MFAP5: variants seen among roughly 807,000 people sequenced by gnomAD.
MFAP5 encodes the protein microfibrillar-associated protein 5.
In MFAP5, 19 loss-of-function variants were observed where a neutral mutation model predicts 30.1. The observed-to-expected ratio is 0.63, with a 90% CI of 0.44 to 0.93. The LOEUF (loss-of-function observed/expected upper bound fraction) is 0.93. Among genes scored for constraint, MFAP5 ranks in the 40% least tolerant of loss-of-function variants. MFAP5 has a pLI of 0.00. For synonymous variants in MFAP5, 92 were observed against 72.9 expected (o/e 1.26, Z -1.33); for missense variants, 210 against 221.3 (o/e 0.95, Z 0.32).
chr12:8,660,073 A>G (rs1361577285), intron 3 of MFAP5, among the ~76,000 whole-genome samples: 1 of 152,156 alleles, frequency 6.6e-6, no homozygotes, highest in Admixed American at 6.5e-5. Flanking sequence ...GATTTTTGTT[A>G]TAGAGAATGG....
chr12:8,654,112 G>A (rs1419682054), intron 6 of MFAP5, among the ~76,000 whole-genome samples: 2 of 129,718 alleles, frequency 1.5e-5, no homozygotes, highest in Admixed American at 8.4e-5. Flanking sequence ...GACGACAAGA[G>A]CAATAATCCG....
chr12:8,653,791 T>C (rs1366045028), intron 6 of MFAP5, among the ~76,000 whole-genome samples: 1 of 152,208 alleles, frequency 6.6e-6, no homozygotes, highest in African/African-American at 2.4e-5. Context: ...GAAAATCAGT[T>C]TTGTTCACTT....
chr12:8,652,677 A>G (rs1451244344), intron 6 of MFAP5, among the ~76,000 whole-genome samples: 1 of 152,182 alleles, frequency 6.6e-6, no homozygotes, highest in Non-Finnish European at 1.5e-5. Flanking sequence ...AGGCAGGTGT[A>G]TATGCTGATA....
At chr12:8,656,518 G>A (rs1399218190) in intron 3 of MFAP5, among the ~76,000 whole-genome samples, 2 of 117,414 alleles carry the variant, frequency 1.7e-5, no homozygotes, top group African/African-American at 6.8e-5. Flanking sequence ...AGCAATTTTC[G>A]TACCTCAGCT....
chr12:8,649,333 T>C (rs889801403), intron 9 of MFAP5, among the ~76,000 whole-genome samples, 168 bp downstream of exon 9: 1 of 151,832 alleles, frequency 6.6e-6, no homozygotes, highest in African/African-American at 2.4e-5. Context: ...AGCATACTGC[T>C]TTATGTAGAT....
rs191520619 is a variant in MFAP5 at position 8,648,522 on chromosome 12, A to G, written c.410-319T>C. 1.0e-3 allele frequency: 1,307 copies of G among 1,291,534 alleles called. 2 individuals carry two copies. Among genetic ancestry groups the G allele is most frequent in the Non-Finnish European group, 1.3e-3 (1,237 of 988,808 alleles). The allele number at this position is 1,291,534 out of a possible 1,614,324, so 80.0% of individuals were successfully genotyped here. A position where few individuals can be genotyped will look rare whatever the true frequency, so the allele number is the denominator to read the frequency against. Reference sequence around the variant, plus strand: ...TGAGCAGTAAATGTTAGTTTCCTTTATATATCCAGCTGCCAATTCTTCTAA... The same window carrying G: ...TGAGCAGTAAATGTTAGTTTCCTTTGTATATCCAGCTGCCAATTCTTCTAA... On this transcript the variant is annotated intron_variant, in intron 9 of 9. Coordinates refer to ENST00000359478, the MANE Select transcript of MFAP5 (RefSeq NM_003480.4).
chr12:8,660,946 C>A (rs769648040), intron 2 of MFAP5, 48 bp from the exon 3 acceptor site: 1 of 1,478,264 alleles, frequency 6.8e-7, no homozygotes. Flanking sequence ...CAGCTCTATA[C>A]CTCGTAACCC....
chr12:8,655,973 G>A (rs992961361), intron 3 of MFAP5, 143 bp from the exon 4 acceptor site: 3 of 681,902 alleles, frequency 4.4e-6, no homozygotes, highest in African/African-American at 3.6e-5. Context: ...TTACAATAAT[G>A]ACAAACGATT....
chr12:8,652,596 A>G (rs1037944524), intron 6 of MFAP5, among the ~76,000 whole-genome samples: 5 of 152,142 alleles, frequency 3.3e-5, no homozygotes, highest in Non-Finnish European at 5.9e-5. Flanking sequence ...ACCAGGAAAA[A>G]TGTCACTGGA....
chr12:8,648,384 A>C (rs1941741530), intron 9 of MFAP5, 181 bp from the exon 10 acceptor site: 1 of 956,658 alleles, frequency 1.0e-6, no homozygotes, highest in East Asian at 3.0e-5. Flanking sequence ...AAGTTTCTTA[A>C]ATTTTATAAA....
intron 5 of MFAP5, 147 bp downstream of exon 5, chr12:8,655,268 A>C (rs1486498369): frequency 1.1e-5 from 9 of 808,890 alleles, no homozygotes; most frequent in Non-Finnish European, 1.5e-5. Flanking sequence ...CCTGGGCAAC[A>C]GAATGAGACT....
At chr12:8,650,281 C>T (rs149477313) in intron 8 of MFAP5, 45 of 531,022 alleles carry the variant, frequency 8.5e-5, no homozygotes, top group African/African-American at 8.2e-4. Flanking sequence ...CCAGCGCCCA[C>T]CTTCATTTCC....
chr12:8,655,534 G>C lies in MFAP5; in HGVS notation c.140-87C>G, dbSNP rs756336948. ...GGATAAGGGGACGATGATCTCAAAG[G>C]AGGCAAGAAAGGCTGAAGTGAAAGC... On this transcript the variant is annotated intron_variant, in intron 4 of 9. Coordinates refer to ENST00000359478, the MANE Select transcript of MFAP5 (RefSeq NM_003480.4). 2.4e-4 allele frequency: 329 copies of C among 1,389,800 alleles called. 1 individual carries two copies. Among genetic ancestry groups the C allele is most frequent in the Non-Finnish European group, 3.1e-4 (311 of 1,005,008 alleles). The allele number at this position is 1,389,800 out of a possible 1,614,324, so 86.1% of individuals were successfully genotyped here.
chr12:8,658,565 C>T (rs1375636804), intron 3 of MFAP5: 2 of 152,150 alleles, frequency 1.3e-5, no homozygotes, highest in Non-Finnish European at 2.9e-5. Context: ...AGTGGAGCCT[C>T]TCCCGGGTGT....
At chr12:8,648,903 G>T (rs1027636150) in intron 9 of MFAP5, among the ~76,000 whole-genome samples, 1 of 152,158 alleles carries the variant, frequency 6.6e-6, no homozygotes, top group African/African-American at 2.4e-5. Flanking sequence ...CACCATGTAT[G>T]GTCTACAACC....
intron 6 of MFAP5, 193 bp downstream of exon 6, chr12:8,654,244 A>C (rs908278816): frequency 1.8e-5 from 9 of 490,688 alleles, no homozygotes; most frequent in Admixed American, 1.1e-4. Flanking sequence ...TTTGAGAGAA[A>C]GATTAGCACA....
intron 3 of MFAP5, among the ~76,000 whole-genome samples, chr12:8,657,365 G>A (rs1278419647): frequency 6.6e-6 from 1 of 151,878 alleles, no homozygotes; most frequent in Admixed American, 6.6e-5. Context: ...GTGGCAGTGA[G>A]CTGAGATCGC....
In MFAP5 at chr12:8,649,553, G is replaced by A; in HGVS notation, c.357C>T (p.Val119=). 3.1e-6 allele frequency: 5 copies of A among 1,613,950 alleles called. No homozygotes were observed. The highest frequency in any genetic ancestry group is 4.2e-6 in the Non-Finnish European group (5 of 1,179,970). ...CFTSLRRMYI[V]NKEICSRLVC... ...CAAGACGAGAGCAGATCTCCTTGTT[G>A]ACGATGTACATACGTCGTAAACTGC... Residue 119 remains valine, a synonymous_variant, in exon 9 of 10, where the codon GTC becomes GTT. Transcript: ENST00000359478.
chr12:8,652,482 A>C (rs1352971336), intron 6 of MFAP5, among the ~76,000 whole-genome samples: 1 of 150,684 alleles, frequency 6.6e-6, no homozygotes, highest in Non-Finnish European at 1.5e-5. Context: ...ATAAATAAAG[A>C]ATAATGAGAG....
Sources: gnomAD v4.1 joint callset for allele counts (sites outside exome capture counted in the v4.1 genomes callset) on GRCh38, gnomAD v4.1.1 for gene constraint, MANE v1.5 for transcripts, NCBI Gene and HGNC (gene_info 2026-07-23, HGNC 2026-07-21) for gene names.